VPS54: variants seen among roughly 807,000 people sequenced by gnomAD.
VPS54 encodes VPS54 subunit of GARP complex.
VPS54 carries 45 observed loss-of-function variants against 121.5 expected under a neutral mutation model. The observed-to-expected ratio is 0.37, with a 90% CI of 0.29 to 0.47. The LOEUF (loss-of-function observed/expected upper bound fraction) is 0.47, where lower values mean the gene tolerates loss of function less well. Ranked by LOEUF, VPS54 falls within the 20% of genes least tolerant of loss-of-function variation. The pLI, the probability that VPS54 is intolerant of heterozygous loss-of-function variation, is 0.99. For synonymous variants in VPS54, 371 were observed against 385.8 expected, an observed-to-expected ratio of 0.96 and a Z score of 0.45; for missense variants, 1,090 against 1,131.4, an observed-to-expected ratio of 0.96 and a Z score of 0.52.
intron 22 of VPS54, among the ~76,000 whole-genome samples, chr2:63,896,824 A>G (rs1393712358): frequency 6.6e-6 from 1 of 152,120 alleles, no homozygotes; most frequent in African/African-American, 2.4e-5. Flanking sequence ...TCTCTTCCCC[A>G]TATCTTTATC....
At position 63,898,390 on chromosome 2, in the gene VPS54, G is replaced by A. The variant is rs534795370; in HGVS notation, c.2734-800C>T. 3.3e-5 allele frequency among the ~76,000 whole-genome samples: 5 copies of A among 152,302 alleles called. No individual in the cohort carries two copies. In the South Asian group the frequency reaches 1.0e-3, roughly 32 times the overall value. ...AAAAGGAGACGACCCTAGTGGGTAC[G>A]TCGTATTTTACGGCTCCCCTTCAGT... On this transcript the variant is annotated intron_variant, in intron 21 of 22. Coordinates refer to ENST00000272322, the MANE Select transcript of VPS54 (RefSeq NM_016516.3).
chr2:63,996,620 T>TA (rs1677607054), intron 1 of VPS54, among the ~76,000 whole-genome samples: 2 of 152,346 alleles, frequency 1.3e-5, no homozygotes, highest in Non-Finnish European at 2.9e-5. Context: ...GAAATATTGC[T>TA]GAGTTCTTTC....
intron 3 of VPS54, 33 bp from the exon 4 acceptor site, chr2:63,972,277 T>C (rs1175428323): frequency 2.7e-6 from 4 of 1,468,244 alleles, no homozygotes; most frequent in Non-Finnish European, 2.8e-6. Context: ...CATCAATGTA[T>C]GTGTAAACAT....
chr2:63,970,277 A>ATATATAGATATATATAGATC, intron 4 of VPS54, among the ~76,000 whole-genome samples: 1 of 144,936 alleles, frequency 6.9e-6, no homozygotes, highest in Non-Finnish European at 1.5e-5. Context: ...ATATATAGAT[A>ATATATAGATATATATAGATC]TATATAGATA....
intron 15 of VPS54, among the ~76,000 whole-genome samples, chr2:63,917,833 TC>T (rs1673460320): frequency 6.6e-6 from 1 of 152,022 alleles, no homozygotes; most frequent in African/African-American, 2.4e-5. Context: ...CTCTACCACT[TC>T]CTAGCTATGT....
intron 1 of VPS54, among the ~76,000 whole-genome samples, chr2:63,993,402 C>G (rs967241558): frequency 6.6e-6 from 1 of 152,314 alleles, no homozygotes; most frequent in East Asian, 1.9e-4. Context: ...ATCCAGTTAT[C>G]TAGAGTACAG....
chr2:63,956,280 T>C (rs1316238698), intron 7 of VPS54, among the ~76,000 whole-genome samples: 1 of 152,120 alleles, frequency 6.6e-6, no homozygotes, highest in Non-Finnish European at 1.5e-5. Flanking sequence ...TTTTGATACA[T>C]CCAATAATAA....
At chr2:63,933,348 G>C (rs1381803885) in intron 12 of VPS54, among the ~76,000 whole-genome samples, 1 of 152,152 alleles carries the variant, frequency 6.6e-6, no homozygotes, top group Non-Finnish European at 1.5e-5. Context: ...CTGGGTTCCA[G>C]TATATGTTCT....
At chr2:63,966,022 T>C (rs1402852869) in intron 5 of VPS54, 56 bp from the exon 6 acceptor site, 7 of 1,549,416 alleles carry the variant, frequency 4.5e-6, no homozygotes, top group East Asian at 2.3e-5. Context: ...ATACCCATTA[T>C]CTCTTCTAAC....
chr2:63,970,632 T>G (rs1289310268), intron 4 of VPS54, among the ~76,000 whole-genome samples: 3 of 152,170 alleles, frequency 2.0e-5, no homozygotes, highest in African/African-American at 7.2e-5. Context: ...CCCGAACTAT[T>G]CTGACATTAC....
At chr2:63,966,489 C>T (rs1360805171) in intron 5 of VPS54, among the ~76,000 whole-genome samples, 1 of 152,164 alleles carries the variant, frequency 6.6e-6, no homozygotes, top group Non-Finnish European at 1.5e-5. Context: ...GCAATAAGGC[C>T]TACCCGTTAT....
At chr2:63,928,742 G>C (rs577360696) in intron 12 of VPS54, among the ~76,000 whole-genome samples, 1 of 151,380 alleles carries the variant, frequency 6.6e-6, no homozygotes, top group East Asian at 1.9e-4. Context: ...AAGACCCATC[G>C]GTGTGCTACA....
At chr2:63,952,443 A>C (rs1356182847) in intron 7 of VPS54, among the ~76,000 whole-genome samples, 2 of 152,172 alleles carry the variant, frequency 1.3e-5, no homozygotes, top group Non-Finnish European at 2.9e-5. Flanking sequence ...AAACATTTAA[A>C]CTATATCCAC....
intron 18 of VPS54, 78 bp from the exon 19 acceptor site, chr2:63,912,739 A>G: frequency 6.7e-7 from 1 of 1,490,192 alleles, no homozygotes; most frequent in South Asian, 1.3e-5. Context: ...TACAAATCAA[A>G]TCAAATAAAA....
chr2:63,980,660 G>A (rs1454755821), intron 3 of VPS54, among the ~76,000 whole-genome samples: 1 of 152,046 alleles, frequency 6.6e-6, no homozygotes, highest in Non-Finnish European at 1.5e-5. Context: ...GGAAGGAATG[G>A]ATGTCAGTTT....
chr2:63,967,207 A>G (rs1382735677), intron 5 of VPS54, among the ~76,000 whole-genome samples: 1 of 152,164 alleles, frequency 6.6e-6, no homozygotes, highest in Admixed American at 6.5e-5. Flanking sequence ...TTTTACCTAT[A>G]TACAAAAATT....
rs149302066 is a variant in VPS54 at position 63,916,738 on chromosome 2, A to C, written c.2228+162T>G. ...CAGAAGAGAGAAGATAAAGAAATCC[A>C]TAAAGTTTCCTTTAAGTTCTTTGCA... On this transcript the variant is annotated intron_variant, in intron 16 of 22. Coordinates refer to ENST00000272322, the MANE Select transcript of VPS54 (RefSeq NM_016516.3). 2.5e-3 allele frequency among the ~76,000 whole-genome samples: 380 copies of C among 152,280 alleles called. 2 individuals carry two copies. Among genetic ancestry groups the C allele is most frequent in the African/African-American group, 9.0e-3 (375 of 41,578 alleles).
At chr2:64,008,626 ACCTAGAAAAGTTGCCTCACAC>A (rs1482292963) in intron 1 of VPS54, among the ~76,000 whole-genome samples, 1 of 152,154 alleles carries the variant, frequency 6.6e-6, no homozygotes, top group Non-Finnish European at 1.5e-5. Flanking sequence ...AAGCAGGCTG[ACCTAGAAAAGTTGCCTCACAC>A]CCTACTCCTG....
At chr2:63,929,304 C>A (rs1204632527) in intron 12 of VPS54, among the ~76,000 whole-genome samples, 2 of 152,016 alleles carry the variant, frequency 1.3e-5, no homozygotes, top group East Asian at 1.9e-4. Flanking sequence ...ACAGAAATCA[C>A]AACAAACTGT....
Sources: allele counts gnomAD v4.1 joint callset (sites outside exome capture counted in the v4.1 genomes callset), GRCh38; gene constraint gnomAD v4.1.1; transcripts MANE v1.5; gene names NCBI Gene and HGNC (gene_info 2026-07-23, HGNC 2026-07-21).